Variants in ITGA4 observed in about 807,000 individuals in gnomAD.
ITGA4 encodes the protein integrin alpha-4.
ITGA4 carries 63 observed loss-of-function variants against 133.6 expected under a neutral mutation model. The ratio of observed to expected loss-of-function variants is 0.47; its 90% confidence interval spans 0.38 to 0.58. The LOEUF is 0.58. ITGA4 is among the 20% of genes least tolerant of loss of function. The pLI, the probability that ITGA4 is intolerant of heterozygous loss-of-function variation, is 0.00. For missense variants in ITGA4, 1,076 were observed against 1,252.7 expected (o/e 0.86, Z 2.13); for synonymous variants, 483 against 438.0 (o/e 1.10, Z -1.28).
rs1477651634 is a variant in ITGA4, at chr2:181,537,684, T to TATTGATGTATTATG, written c.*2160_*2173dup. 4.2e-5 allele frequency: 18 copies of TATTGATGTATTATG among 432,602 alleles called. No individual in the cohort carries two copies. In the Admixed American group the frequency reaches 4.7e-4, roughly 11 times the overall value. The allele number at this position is 432,602 out of a possible 1,614,324, so 26.8% of individuals were successfully genotyped here. A position where few individuals can be genotyped will look rare whatever the true frequency, so the allele number is the denominator to read the frequency against. ...TTATTTCAGAATTATCTAGGTTAAATATTGATGTATTATGATGGTTGCAAA... is the reference window on the plus strand; with the variant it reads ...TTATTTCAGAATTATCTAGGTTAAATATTGATGTATTATGATTGATGTATTATGATGGTTGCAAA... On this transcript the variant is annotated 3_prime_UTR_variant, in exon 28 of 28. Coordinates refer to ENST00000397033, the MANE Select transcript of ITGA4 (RefSeq NM_000885.6).
intron 25 of ITGA4, 62 bp from the exon 26 acceptor site, chr2:181,534,210 C>A: frequency 9.9e-7 from 1 of 1,006,776 alleles, no homozygotes; most frequent in Non-Finnish European, 1.5e-6. Flanking sequence ...AGGTAAAGAT[C>A]CTGATAAATT....
At chr2:181,467,309 A>G (rs1484263250) in intron 2 of ITGA4, among the ~76,000 whole-genome samples, 1 of 152,144 alleles carries the variant, frequency 6.6e-6, no homozygotes, top group Non-Finnish European at 1.5e-5. Flanking sequence ...TTGAAAGATC[A>G]GGTAAGTATA....
At chr2:181,460,372 AT>A (rs1685242665) in intron 2 of ITGA4, among the ~76,000 whole-genome samples, 1 of 152,244 alleles carries the variant, frequency 6.6e-6, no homozygotes, top group South Asian at 2.1e-4. Flanking sequence ...CTGCCTCTCT[AT>A]TCAGAATAAA....
chr2:181,490,934 C>T (rs1485761361), intron 10 of ITGA4, among the ~76,000 whole-genome samples: 1 of 152,120 alleles, frequency 6.6e-6, no homozygotes, highest in African/African-American at 2.4e-5. Flanking sequence ...CATTAAATAC[C>T]TATGTTCTGT....
rs1364909353 is a variant in ITGA4 at position 181,523,476 on chromosome 2, G to C, written c.2113G>C (p.Gly705Arg). 6.2e-7 allele frequency: 1 copy of C among 1,610,672 alleles called. No individual in the cohort carries two copies. The highest frequency in any genetic ancestry group is 1.1e-5 in the South Asian group (1 of 90,998). ...QINCEVTDNS[G>R]VVQLDCSIGY... ...AAACTGTGAAGTCACAGATAACTCT[G>C]GCGTGGTACAACTTGACTGCAGTAT... Residue 705 changes from glycine (G) to arginine (R), a missense_variant, in exon 19 of 28, where the codon GGC becomes CGC. Physicochemically the swap from Gly to Arg is moderately radical, Grantham distance 125. Transcript: ENST00000397033. The surrounding 1 kb of genome is among the most constrained non-coding windows in gnomAD (Gnocchi z 4.2).
At chr2:181,510,334 A>G (rs920327941) in intron 16 of ITGA4, among the ~76,000 whole-genome samples, 2 of 152,138 alleles carry the variant, frequency 1.3e-5, no homozygotes, top group African/African-American at 2.4e-5. Context: ...CCCAGGATCA[A>G]TTGCATTTGA....
rs1372572888 is a variant in ITGA4 at position 181,523,217 on chromosome 2, CACAT to C, written c.2074-218_2074-215del. ...ATATATATACACACACATATATACA[CACAT>C]ATATACATACATATATATACACATA... is the stretch of plus-strand genomic sequence containing the variant. On this transcript the variant is annotated intron_variant, in intron 18 of 27. Coordinates refer to ENST00000397033, the MANE Select transcript of ITGA4 (RefSeq NM_000885.6). This position sits in a 1 kb window ranked among gnomAD's most constrained non-coding sequence, Gnocchi z 4.2. 1.0e-5 allele frequency: 4 copies of C among 392,116 alleles called. No homozygotes were observed. The highest frequency in any genetic ancestry group is 4.4e-5 in the East Asian group (1 of 22,598). 24.3% of individuals were successfully genotyped at this position (392,116 alleles called of 1,614,324 possible). A position where few individuals can be genotyped will look rare whatever the true frequency, so the allele number is the denominator to read the frequency against.
intron 2 of ITGA4, among the ~76,000 whole-genome samples, chr2:181,471,517 G>A (rs1685550674): frequency 6.6e-6 from 1 of 152,170 alleles, no homozygotes; most frequent in Non-Finnish European, 1.5e-5. Flanking sequence ...ACCCTTGAGT[G>A]CTGATGTTGA....
chr2:181,494,952 A>T (rs1686129333), intron 12 of ITGA4, 140 bp downstream of exon 12: 1 of 590,706 alleles, frequency 1.7e-6, no homozygotes, highest in Non-Finnish European at 3.0e-6. Context: ...AGTTCTCCTT[A>T]ATTCATTCCT....
intron 22 of ITGA4, 131 bp from the exon 23 acceptor site, chr2:181,529,410 C>T: frequency 4.5e-6 from 2 of 448,224 alleles, no homozygotes. Flanking sequence ...TGTTATGCAG[C>T]TGCCAACCAT....
At position 181,538,268 on chromosome 2, in the gene ITGA4, A is replaced by G. The variant is rs770992513; in HGVS notation, c.*2741A>G. ...ATCTGTAAAGAAAATACATTATTTC[A>G]TCAACTTATTTTGTTGTTTTTCACA... On this transcript the variant is annotated 3_prime_UTR_variant, in exon 28 of 28. Transcript: ENST00000397033. 8 of 1,450,244 alleles carry G rather than the reference A, an allele frequency of 5.5e-6. No individual in the cohort carries two copies. The highest frequency in any genetic ancestry group is 4.6e-5 in the South Asian group (4 of 87,262). 89.8% of individuals were successfully genotyped at this position (1,450,244 alleles called of 1,614,324 possible). A position where few individuals can be genotyped will look rare whatever the true frequency, so the allele number is the denominator to read the frequency against.
intron 14 of ITGA4, among the ~76,000 whole-genome samples, chr2:181,497,891 C>G (rs1366707027): frequency 6.7e-6 from 1 of 148,848 alleles, no homozygotes; most frequent in Non-Finnish European, 1.5e-5. Flanking sequence ...TTTTTTCTTT[C>G]AAATTTGGAG....
intron 15 of ITGA4, among the ~76,000 whole-genome samples, chr2:181,507,740 ATTAG>A (rs1409635623): frequency 2.6e-5 from 4 of 152,138 alleles, no homozygotes; most frequent in Non-Finnish European, 4.4e-5. Flanking sequence ...GTTATACTGT[ATTAG>A]TTAGGGAATA....
chr2:181,482,731 G>T, intron 9 of ITGA4, 80 bp downstream of exon 9: 1 of 1,356,686 alleles, frequency 7.4e-7, no homozygotes, highest in Non-Finnish European at 1.0e-6. Context: ...AGAGATCTGA[G>T]ATTGTTTTCA....
chr2:181,536,715 A>ATGAGGTTCTATTTTAAATGACTTTCT lies in ITGA4; in HGVS notation c.*1189_*1214dup, dbSNP rs1687122878. 3 of 237,264 alleles carry ATGAGGTTCTATTTTAAATGACTTTCT rather than the reference A, an allele frequency of 1.3e-5. No homozygotes were observed. Among genetic ancestry groups the ATGAGGTTCTATTTTAAATGACTTTCT allele is most frequent in the Non-Finnish European group, 2.5e-5 (3 of 117,802 alleles). 14.7% of individuals were successfully genotyped at this position (237,264 alleles called of 1,614,324 possible). The stretch of plus-strand genomic sequence containing the variant: ...TATTTTTATAGTTTGTTCATACTAT[A>ATGAGGTTCTATTTTAAATGACTTTCT]TGAGGTTCTATTTTAAATGACTTTC... On this transcript the variant is annotated 3_prime_UTR_variant, in exon 28 of 28. Coordinates refer to ENST00000397033, the MANE Select transcript of ITGA4 (RefSeq NM_000885.6).
At chr2:181,501,013 C>T (rs1363506038) in intron 15 of ITGA4, among the ~76,000 whole-genome samples, 1 of 152,086 alleles carries the variant, frequency 6.6e-6, no homozygotes, top group African/African-American at 2.4e-5. Flanking sequence ...TCAGAATAGG[C>T]TTCATTCAGA....
At chr2:181,486,013 G>T (rs969662498) in intron 10 of ITGA4, 21 bp downstream of exon 10, 1 of 1,565,598 alleles carries the variant, frequency 6.4e-7, no homozygotes, top group Non-Finnish European at 8.6e-7. Context: ...TTATCAAATT[G>T]GTACTTGATT....
chr2:181,479,992 C>A, intron 5 of ITGA4, 145 bp from the exon 6 acceptor site: 1 of 441,342 alleles, frequency 2.3e-6, no homozygotes. Flanking sequence ...TTTTTTTTTT[C>A]CTAGTATGTT....
intron 2 of ITGA4, among the ~76,000 whole-genome samples, chr2:181,472,066 G>C (rs1047366477): frequency 6.6e-6 from 1 of 152,232 alleles, no homozygotes; most frequent in African/African-American, 2.4e-5. Context: ...AAGTGAGAAA[G>C]TGAGTAGTTT....
Sources: gnomAD v4.1 joint callset for allele counts (sites outside exome capture counted in the v4.1 genomes callset) on GRCh38, gnomAD v4.1.1 for gene constraint, Gnocchi (gnomAD v3.1) non-coding constraint, MANE v1.5 for transcripts, NCBI Gene and HGNC (gene_info 2026-07-23, HGNC 2026-07-21) for gene names.